The following HEMK2 variants were observed in gnomAD, a reference collection of about 807,000 sequenced individuals.
HEMK2 encodes HemK methyltransferase 2, ETF1 glutamine and histone H4 lysine.
chr21:28,636,128 T>C, the HEMK2 span, among the ~76,000 whole-genome samples: 1 of 152,156 alleles, frequency 6.6e-6, no homozygotes, highest in East Asian at 1.9e-4. Context: ...CTATCTTCTT[T>C]AAAAATAAGT....
the HEMK2 span, among the ~76,000 whole-genome samples, chr21:28,652,434 C>CCCTT: frequency 1.4e-5 from 2 of 139,978 alleles, no homozygotes; most frequent in Non-Finnish European, 3.3e-5. Context: ...TTTTCTTCCT[C>CCCTT]CCTTCCTTCC....
the HEMK2 span, among the ~76,000 whole-genome samples, chr21:28,582,561 C>A: frequency 6.6e-6 from 1 of 152,116 alleles, no homozygotes. Flanking sequence ...GGCTCTCAGT[C>A]TTAGAGCTAA....
chr21:28,839,569 C>T, the HEMK2 span, among the ~76,000 whole-genome samples: 1 of 152,098 alleles, frequency 6.6e-6, no homozygotes, highest in Non-Finnish European at 1.5e-5. Flanking sequence ...CTCTTCCATA[C>T]ACCAAGAGCA....
chr21:28,772,304 T>C, the HEMK2 span, among the ~76,000 whole-genome samples: 1 of 152,308 alleles, frequency 6.6e-6, no homozygotes, highest in Middle Eastern at 3.4e-3. Flanking sequence ...CATGTAAACT[T>C]TGAAAGCATG....
At chr21:28,640,321 T>C in the HEMK2 span, among the ~76,000 whole-genome samples, 2 of 152,192 alleles carry the variant, frequency 1.3e-5, no homozygotes, top group African/African-American at 2.4e-5. Context: ...TTTAGGCTCA[T>C]GATGGCTCAG....
the HEMK2 span, among the ~76,000 whole-genome samples, chr21:28,598,813 G>T: frequency 6.6e-6 from 1 of 152,204 alleles, no homozygotes; most frequent in Non-Finnish European, 1.5e-5. Flanking sequence ...TAAGTGAAAA[G>T]AGTTGCAGAC....
At chr21:28,693,621 G>A in the HEMK2 span, among the ~76,000 whole-genome samples, 1 of 152,188 alleles carries the variant, frequency 6.6e-6, no homozygotes. Flanking sequence ...CCAAAATGAA[G>A]TACATTTTTA....
the HEMK2 span, among the ~76,000 whole-genome samples, chr21:28,782,454 A>G: frequency 6.6e-6 from 1 of 152,244 alleles, no homozygotes; most frequent in Non-Finnish European, 1.5e-5. Flanking sequence ...ATACACATAT[A>G]GTTCAGAAAC....
At chr21:28,689,702 T>C in the HEMK2 span, among the ~76,000 whole-genome samples, 1 of 152,166 alleles carries the variant, frequency 6.6e-6, no homozygotes, top group Non-Finnish European at 1.5e-5. Flanking sequence ...GAACTAAGGA[T>C]ACTTATTAAC....
the HEMK2 span, among the ~76,000 whole-genome samples, chr21:28,657,069 C>T: frequency 3.9e-5 from 6 of 151,998 alleles, no homozygotes; most frequent in African/African-American, 1.4e-4. Context: ...TTTTGTCATG[C>T]AGCATATTAC....
At chr21:28,734,865 GC>G in the HEMK2 span, among the ~76,000 whole-genome samples, 24 of 152,254 alleles carry the variant, frequency 1.6e-4, no homozygotes, top group Admixed American at 1.5e-3. Flanking sequence ...AAGCTTAATG[GC>G]CCAAACAACA....
At chr21:28,695,543 G>T in the HEMK2 span, among the ~76,000 whole-genome samples, 3 of 152,110 alleles carry the variant, frequency 2.0e-5, no homozygotes, top group Non-Finnish European at 4.4e-5. Context: ...CTTGTGCAGG[G>T]GAACTCCCAT....
chr21:28,811,293 G>A, the HEMK2 span, among the ~76,000 whole-genome samples: 1 of 123,636 alleles, frequency 8.1e-6, no homozygotes, highest in Non-Finnish European at 1.6e-5. Context: ...AAGAAAAGAA[G>A]AAAGGGAAGG....
At chr21:28,585,805 GC>G in the HEMK2 span, among the ~76,000 whole-genome samples, 435 of 152,110 alleles carry the variant, frequency 2.9e-3, 2 homozygotes, top group South Asian at 6.9e-3. Context: ...AAAGATAACG[GC>G]TAAAAATTTT....
chr21:28,680,638 T>G, the HEMK2 span, among the ~76,000 whole-genome samples: 2 of 152,266 alleles, frequency 1.3e-5, no homozygotes, highest in East Asian at 3.9e-4. Context: ...TGAACATTGA[T>G]GCAAAAATCC....
chr21:28,650,567 G>T, the HEMK2 span, among the ~76,000 whole-genome samples: 1 of 152,080 alleles, frequency 6.6e-6, no homozygotes, highest in East Asian at 1.9e-4. Flanking sequence ...AAACTTTACG[G>T]GTTTCCAAAT....
the HEMK2 span, among the ~76,000 whole-genome samples, chr21:28,787,332 G>A: frequency 6.6e-6 from 1 of 152,062 alleles, no homozygotes; most frequent in African/African-American, 2.4e-5. Flanking sequence ...GAACCCAAAA[G>A]CAAATGCAAT....
chr21:28,644,810 C>T, the HEMK2 span, among the ~76,000 whole-genome samples: 2 of 152,114 alleles, frequency 1.3e-5, no homozygotes, highest in Admixed American at 6.5e-5. Flanking sequence ...ATGTAAAATA[C>T]TGGAAATCTA....
At chr21:28,878,200 T>C in the HEMK2 span, 10 of 1,580,468 alleles carry the variant, frequency 6.3e-6, no homozygotes, top group East Asian at 2.3e-5. Flanking sequence ...ACCTGGGTTG[T>C]TTTCTTTAAT....
Sources: allele counts gnomAD v4.1 joint callset (sites outside exome capture counted in the v4.1 genomes callset), GRCh38; gene constraint gnomAD v4.1.1; transcripts MANE v1.5; gene names NCBI Gene and HGNC (gene_info 2026-07-23, HGNC 2026-07-21).